The following CADM2 variants were observed in gnomAD, a reference collection of about 807,000 sequenced individuals.
CADM2 encodes the protein cell adhesion molecule 2, also known as immunoglobulin superfamily member 4D.
A neutral mutation model predicts 49.8 loss-of-function variants in CADM2; 12 were observed. That is an observed-to-expected ratio of 0.24 (90% CI 0.15 to 0.39). The LOEUF is 0.39. Ranked by LOEUF, CADM2 falls within the 10% of genes least tolerant of loss-of-function variation. The pLI is 1.00. For missense variants in CADM2, 378 were observed against 492.3 expected (o/e 0.77, Z 2.20); for synonymous variants, 214 against 175.4 (o/e 1.22, Z -1.74).
At chr3:85,532,050 G>A (rs1022497732) in intron 1 of CADM2, among the ~76,000 whole-genome samples, 1 of 152,148 alleles carries the variant, frequency 6.6e-6, no homozygotes, top group Non-Finnish European at 1.5e-5. Flanking sequence ...GGTGGCGGGA[G>A]CCTGTAGTCC....
intron 1 of CADM2, among the ~76,000 whole-genome samples, chr3:85,568,470 TC>T (rs1286771876): frequency 0.17 from 1,503 of 8,692 alleles, 120 homozygotes; most frequent in East Asian, 0.24. Flanking sequence ...TTTCTCTTTC[TC>T]TCTCTTTCTT....
At chr3:85,758,149 T>C (rs1244428932) in intron 2 of CADM2, among the ~76,000 whole-genome samples, 1 of 152,160 alleles carries the variant, frequency 6.6e-6, no homozygotes, top group Non-Finnish European at 1.5e-5. Context: ...CAGAGTTCCG[T>C]AAATTAGCAC....
At chr3:85,327,460 T>A (rs1319629569) in intron 1 of CADM2, among the ~76,000 whole-genome samples, 1 of 151,414 alleles carries the variant, frequency 6.6e-6, no homozygotes, top group Non-Finnish European at 1.5e-5. Context: ...TTTGCTATGT[T>A]GGCCAGGCTG....
chr3:85,464,993 C>G (rs1457251535), intron 1 of CADM2, among the ~76,000 whole-genome samples: 1 of 151,950 alleles, frequency 6.6e-6, no homozygotes, highest in African/African-American at 2.4e-5. Flanking sequence ...ACTGAAAATA[C>G]TAAAAATTAG....
intron 1 of CADM2, among the ~76,000 whole-genome samples, chr3:85,641,323 C>T (rs574247141): frequency 6.6e-6 from 1 of 152,234 alleles, no homozygotes; most frequent in African/African-American, 2.4e-5. Context: ...ATGTTCTACC[C>T]TATACTCTCA....
chr3:85,402,642 A>C (rs2035171873), intron 1 of CADM2, among the ~76,000 whole-genome samples: 1 of 152,192 alleles, frequency 6.6e-6, no homozygotes, highest in Admixed American at 6.5e-5. Context: ...GTCAGAACAA[A>C]CTGTGACTCT....
In CADM2 at chr3:85,171,717, G is replaced by A. The variant is rs142803161; in HGVS notation, c.61+212049G>A. On this transcript the variant is annotated intron_variant, in intron 1 of 9. Coordinates refer to ENST00000383699, the MANE Select transcript of CADM2 (RefSeq NM_001167675.2). ...GATTGAAAATTAAATAATTTTGTAT[G>A]TACAGTTGCATGTTTTTCTCATTTT... Among the ~76,000 whole-genome samples, 802 of 152,226 alleles carry A rather than the reference G, an allele frequency of 5.3e-3. 6 individuals carry two copies. Among genetic ancestry groups the A allele is most frequent in the African/African-American group, 0.018 (761 of 41,544 alleles).
intron 3 of CADM2, among the ~76,000 whole-genome samples, chr3:85,810,358 G>C (rs1265671533): frequency 6.6e-6 from 1 of 150,498 alleles, no homozygotes; most frequent in Non-Finnish European, 1.5e-5. Context: ...AGAAAGGAAA[G>C]AGTATAGCAT....
At chr3:85,148,950 A>G (rs1384547625) in intron 1 of CADM2, among the ~76,000 whole-genome samples, 3 of 152,116 alleles carry the variant, frequency 2.0e-5, no homozygotes, top group African/African-American at 7.2e-5. Context: ...ATGTAAGTGG[A>G]CACGTGCAGT....
chr3:85,472,265 G>A (rs12636028), intron 1 of CADM2, among the ~76,000 whole-genome samples: 12,210 of 151,454 alleles, frequency 0.081, 945 homozygotes, highest in African/African-American at 0.19. Context: ...AAAATATTTT[G>A]CCAAATAAAT....
intron 1 of CADM2, among the ~76,000 whole-genome samples, chr3:85,551,233 C>T (rs974113443): frequency 6.6e-5 from 10 of 152,132 alleles, no homozygotes; most frequent in Non-Finnish European, 1.0e-4. Context: ...CCTCCAACCT[C>T]AGCCTCCCAA....
chr3:86,043,152 C>A (rs142146098), intron 8 of CADM2, among the ~76,000 whole-genome samples: 1 of 152,108 alleles, frequency 6.6e-6, no homozygotes, highest in African/African-American at 2.4e-5. Context: ...TGGAAGCATT[C>A]GCTTTGAAAA....
chr3:85,160,103 T>A (rs2040270806), intron 1 of CADM2, among the ~76,000 whole-genome samples: 1 of 152,152 alleles, frequency 6.6e-6, no homozygotes, highest in Non-Finnish European at 1.5e-5. Context: ...GGCTTTAAAA[T>A]TGTGTCTTTT....
chr3:86,045,561 C>G (rs772844528), intron 8 of CADM2, among the ~76,000 whole-genome samples: 1 of 152,034 alleles, frequency 6.6e-6, no homozygotes, highest in African/African-American at 2.4e-5. Context: ...TCCTTTAAAC[C>G]GCCCTTCTCC....
At chr3:85,318,843 C>A (rs1305004113) in intron 1 of CADM2, among the ~76,000 whole-genome samples, 1 of 152,036 alleles carries the variant, frequency 6.6e-6, no homozygotes, top group Non-Finnish European at 1.5e-5. Flanking sequence ...ATTAAAATAT[C>A]CAATATTACG....
chr3:85,977,102 T>C (rs1014528072), intron 8 of CADM2, among the ~76,000 whole-genome samples: 3 of 150,908 alleles, frequency 2.0e-5, no homozygotes, highest in Admixed American at 1.3e-4. Flanking sequence ...GGGGCAAGGT[T>C]GGGGGGACTC....
Position 85,611,026 on chromosome 3 carries a change from A to C in CADM2, c.62-115496A>C, listed in dbSNP as rs578235239. 2.0e-5 allele frequency among the ~76,000 whole-genome samples: 3 copies of C among 152,042 alleles called. No individual in the cohort carries two copies. In the East Asian group the frequency reaches 5.8e-4, roughly 29 times the overall value. Reference sequence around the variant, plus strand: ...GCTTTGGAATTGTCAGACACTACTGATCATGTATATCTGAAAATTCATTTG... The same window carrying C: ...GCTTTGGAATTGTCAGACACTACTGCTCATGTATATCTGAAAATTCATTTG... On this transcript the variant is annotated intron_variant, in intron 1 of 9. Coordinates refer to ENST00000383699, the MANE Select transcript of CADM2 (RefSeq NM_001167675.2).
At chr3:85,210,567 G>A (rs186092707) in intron 1 of CADM2, among the ~76,000 whole-genome samples, 1 of 151,820 alleles carries the variant, frequency 6.6e-6, no homozygotes. Context: ...TTTGAAACAA[G>A]GTCTGGCTCT....
chr3:85,789,330 G>A (rs1217804691), intron 2 of CADM2, among the ~76,000 whole-genome samples: 5 of 152,118 alleles, frequency 3.3e-5, no homozygotes, highest in Non-Finnish European at 7.4e-5. Flanking sequence ...CAGTTAGCAA[G>A]TAAAGCTAGT....
Sources: gnomAD v4.1 joint callset for allele counts (sites outside exome capture counted in the v4.1 genomes callset) on GRCh38, gnomAD v4.1.1 for gene constraint, MANE v1.5 for transcripts, NCBI Gene and HGNC (gene_info 2026-07-23, HGNC 2026-07-21) for gene names.